Variants in TEX9 observed in about 807,000 individuals in gnomAD.
The protein encoded by TEX9 is testis expressed 9, also known as testis-expressed protein 9.
TEX9 carries 74 observed loss-of-function variants against 59.6 expected under a neutral mutation model. The observed-to-expected ratio is 1.24, with a 90% CI of 1.03 to 1.51. The LOEUF (loss-of-function observed/expected upper bound fraction) is 1.51. Among genes scored for constraint, TEX9 ranks in the 40% most tolerant of loss-of-function variants. The pLI, the probability that TEX9 is intolerant of heterozygous loss-of-function variation, is 0.00. For synonymous variants in TEX9, 186 were observed against 152.2 expected (o/e 1.22, Z -1.64); for missense variants, 522 against 447.8 (o/e 1.17, Z -1.49).
At chr15:56,275,413 A>G (rs1246565856) in intron 1 of TEX9, among the ~76,000 whole-genome samples, 1 of 152,054 alleles carries the variant, frequency 6.6e-6, no homozygotes, top group African/African-American at 2.4e-5. Context: ...CTCTCTCCCA[A>G]ATCTTTCTAA....
chr15:56,309,693 G>GTATTTTTTTTTTTTTT (rs2045561026), intron 1 of TEX9, among the ~76,000 whole-genome samples: 1 of 60,772 alleles, frequency 1.6e-5, no homozygotes, highest in African/African-American at 7.3e-5. Flanking sequence ...TTTATGGGAA[G>GTATTTTTTTTTTTTTT]TTTTTTTTTT....
intron 10 of TEX9, among the ~76,000 whole-genome samples, chr15:56,413,080 G>A (rs1305692531): frequency 6.6e-6 from 1 of 151,766 alleles, no homozygotes; most frequent in Admixed American, 6.6e-5. Context: ...CAATGTTCAT[G>A]AAACCCCTTT....
chr15:56,441,889 G>A (rs62023872), intron 12 of TEX9, among the ~76,000 whole-genome samples: 1,991 of 151,920 alleles, frequency 0.013, 15 homozygotes, highest in Non-Finnish European at 0.019. Flanking sequence ...GCATGGTGGC[G>A]GGTGCCTGTA....
chr15:56,290,265 G>A (rs780420078), intron 1 of TEX9, among the ~76,000 whole-genome samples: 1 of 152,122 alleles, frequency 6.6e-6, no homozygotes, highest in Non-Finnish European at 1.5e-5. Flanking sequence ...TCTCTCTCAG[G>A]TTCCTCTGTG....
chr15:56,363,268 CT>C (rs749991135), upstream of TEX9, among the ~76,000 whole-genome samples: 245 of 142,592 alleles, frequency 1.7e-3, no homozygotes, highest in Middle Eastern at 3.6e-3. Context: ...ATTGTCCATC[CT>C]TTTTTTTTTT....
At chr15:56,418,471 C>CTT (rs564272339) in intron 10 of TEX9, among the ~76,000 whole-genome samples, 4 of 143,008 alleles carry the variant, frequency 2.8e-5, no homozygotes, top group African/African-American at 1.0e-4. Context: ...TTCTTGAGGG[C>CTT]TTTTTTTTTT....
intron 1 of TEX9, among the ~76,000 whole-genome samples, chr15:56,318,596 T>C (rs2045831579): frequency 6.6e-6 from 1 of 152,126 alleles, no homozygotes; most frequent in Non-Finnish European, 1.5e-5. Flanking sequence ...TCTTTTTTGT[T>C]TCTTTATTCC....
At chr15:56,404,456 A>G (rs1468759377) in intron 9 of TEX9, among the ~76,000 whole-genome samples, 1 of 152,222 alleles carries the variant, frequency 6.6e-6, no homozygotes. Context: ...ACCAGTTAGA[A>G]TGGCAATCAT....
At chr15:56,372,630 A>T (rs181397303) in intron 2 of TEX9, among the ~76,000 whole-genome samples, 38 of 152,288 alleles carry the variant, frequency 2.5e-4, no homozygotes, top group African/African-American at 8.7e-4. Context: ...TTACGTGAAG[A>T]TAGATATTCC....
intron 1 of TEX9, among the ~76,000 whole-genome samples, chr15:56,320,749 A>G (rs1389580084): frequency 6.6e-6 from 1 of 152,140 alleles, no homozygotes; most frequent in East Asian, 1.9e-4. Context: ...CTTTGAGAGT[A>G]AAAAATGTGC....
chr15:56,444,308 A>G, intron 12 of TEX9: 1 of 668,212 alleles, frequency 1.5e-6, no homozygotes, highest in Non-Finnish European at 2.5e-6. Context: ...GTCCCAATTT[A>G]TGTTTTCATA....
intron 1 of TEX9, among the ~76,000 whole-genome samples, chr15:56,298,142 T>G (rs2045260135): frequency 6.6e-6 from 1 of 152,270 alleles, no homozygotes; most frequent in Admixed American, 6.5e-5. Flanking sequence ...TTATTTTATT[T>G]ATACTACATC....
At chr15:56,358,349 T>TC (rs1415887682) in intron 1 of TEX9, among the ~76,000 whole-genome samples, 2 of 151,846 alleles carry the variant, frequency 1.3e-5, no homozygotes, top group African/African-American at 4.8e-5. Context: ...GTTTTTTTTT[T>TC]TTTTCCAGAA....
rs189704584 is a variant in TEX9 at position 56,249,547 on chromosome 15, G to T, written c.-107+5269G>T. On this transcript the variant is annotated intron_variant, in intron 1 of 5. Coordinates refer to the TEX9 transcript ENST00000560827. ...AAGGTCAGGAATTCAAGACCAGCCTGGCGAAGATGGTGAAACCCCGTTTCT... is the reference window on the plus strand; with the variant it reads ...AAGGTCAGGAATTCAAGACCAGCCTTGCGAAGATGGTGAAACCCCGTTTCT... Among the ~76,000 whole-genome samples, 321 of 151,984 alleles carry T rather than the reference G, an allele frequency of 2.1e-3. 2 individuals carry two copies. Among genetic ancestry groups the T allele is most frequent in the African/African-American group, 7.5e-3 (310 of 41,434 alleles).
chr15:56,427,632 A>G (rs774796874), exon 11 of TEX9: 1 of 1,545,478 alleles, frequency 6.5e-7, no homozygotes, highest in Non-Finnish European at 8.7e-7. Context: ...ACACAAAAAA[A>G]TTGAAGTGTT....
chr15:56,339,977 C>G (rs1388837906), intron 1 of TEX9, among the ~76,000 whole-genome samples: 2 of 152,094 alleles, frequency 1.3e-5, no homozygotes, highest in Non-Finnish European at 2.9e-5. Context: ...TTTGTTATAG[C>G]AGCTCAAATA....
At chr15:56,417,376 C>T (rs1354891603) in intron 10 of TEX9, among the ~76,000 whole-genome samples, 1 of 151,852 alleles carries the variant, frequency 6.6e-6, no homozygotes, top group East Asian at 1.9e-4. Context: ...TAGCTGTGTT[C>T]TAGAGATTCT....
chr15:56,396,627 C>T (rs1179495970), intron 9 of TEX9: 1 of 150,712 alleles, frequency 6.6e-6, no homozygotes, highest in South Asian at 2.1e-4. Context: ...GCTGTGTCCC[C>T]ACCCAAATTT....
chr15:56,398,738 T>C (rs536434992), intron 9 of TEX9, among the ~76,000 whole-genome samples: 2 of 152,228 alleles, frequency 1.3e-5, no homozygotes, highest in African/African-American at 2.4e-5. Context: ...AAGGGTGACA[T>C]TGATTATACT....
Sources: allele counts gnomAD v4.1 joint callset (sites outside exome capture counted in the v4.1 genomes callset), GRCh38; gene constraint gnomAD v4.1.1; transcripts MANE v1.5; gene names NCBI Gene and HGNC (gene_info 2026-07-23, HGNC 2026-07-21).